The following F2RL1 variants were observed in gnomAD, a reference collection of about 807,000 sequenced individuals.
The protein encoded by F2RL1 is F2R like trypsin receptor 1.
A neutral mutation model predicts 21.7 loss-of-function variants in F2RL1; 16 were observed. The ratio of observed to expected loss-of-function variants is 0.74; its 90% CI spans 0.50 to 1.12. F2RL1 has a LOEUF of 1.12. Ranked by LOEUF, F2RL1 falls within the 50% of genes most tolerant of loss-of-function variation. The pLI, the probability that F2RL1 is intolerant of heterozygous loss-of-function variation, is 0.00. For synonymous variants in F2RL1, 181 were observed against 186.7 expected (o/e 0.97, Z 0.25); for missense variants, 432 against 477.8 (o/e 0.90, Z 0.89).
At position 76,827,208 on chromosome 5, in the gene F2RL1, G is replaced by A. The variant is rs531076586; in HGVS notation, c.83-5482G>A. 4.4e-3 allele frequency among the ~76,000 whole-genome samples: 668 copies of A among 151,408 alleles called. 3 individuals carry two copies. Among genetic ancestry groups the A allele is most frequent in the East Asian group, 0.021 (107 of 5,058 alleles). On this transcript the variant is annotated intron_variant, in intron 1 of 1. Coordinates refer to ENST00000296677, the MANE Select transcript of F2RL1 (RefSeq NM_005242.6). Reference sequence around the variant, plus strand: ...TATTATAATGCTGCTATGGCTGGGCGTGGTGGCTCACGCCTGTAATCCCAG... The same window carrying A: ...TATTATAATGCTGCTATGGCTGGGCATGGTGGCTCACGCCTGTAATCCCAG...
Position 76,833,585 on chromosome 5 carries a change from C to T in F2RL1, c.978C>T (p.Tyr326=). 3 of 1,613,944 alleles carry T rather than the reference C, an allele frequency of 1.9e-6. No individual in the cohort carries two copies. Among genetic ancestry groups the T allele is most frequent in the Non-Finnish European group, 2.5e-6 (3 of 1,180,006 alleles). Residue 326 remains tyrosine (Y), a synonymous_variant, in exon 2 of 2, where the codon TAC becomes TAT. Transcript: ENST00000296677. Reference sequence around the variant, plus strand: ...GCCAGAGCCATGTCTATGCCCTGTACATTGTAGCCCTCTGCCTCTCTACCC... The same window carrying T: ...GCCAGAGCCATGTCTATGCCCTGTATATTGTAGCCCTCTGCCTCTCTACCC... ...SQGQSHVYAL[Y]IVALCLSTLN... is the part of the protein sequence containing the mutation.
intron 1 of F2RL1, among the ~76,000 whole-genome samples, chr5:76,829,111 A>G (rs1370138713): frequency 6.9e-6 from 1 of 144,066 alleles, no homozygotes; most frequent in Non-Finnish European, 1.5e-5. Context: ...GTAAGACTCC[A>G]TCTCAAAAAA....
intron 1 of F2RL1, among the ~76,000 whole-genome samples, chr5:76,821,974 T>C (rs1229645996): frequency 3.6e-4 from 55 of 152,310 alleles, no homozygotes. Context: ...TAAATCACCC[T>C]GAACTTCAGT....
intron 1 of F2RL1, among the ~76,000 whole-genome samples, chr5:76,821,570 T>G (rs1420201682): frequency 1.4e-5 from 2 of 139,568 alleles, no homozygotes; most frequent in Non-Finnish European, 1.5e-5. Flanking sequence ...TTTTTTTTTG[T>G]TTTTTTGGTT....
chr5:76,835,273 T>C lies in F2RL1; in HGVS notation c.*1472T>C, dbSNP rs945478904. ...TGACTTTTAAAAATAATTATTTTATTGTGTAATTGATTTATAAATAACAAA... is the reference window on the plus strand; with the variant it reads ...TGACTTTTAAAAATAATTATTTTATCGTGTAATTGATTTATAAATAACAAA... On this transcript the variant is annotated 3_prime_UTR_variant, in exon 2 of 2. Transcript: ENST00000296677. The C allele has an allele frequency of 1.3e-5, 2 of 152,256 alleles. No individual in the cohort carries two copies. Among genetic ancestry groups the C allele is most frequent in the African/African-American group, 4.8e-5 (2 of 41,472 alleles). The allele number at this position is 152,256 out of a possible 1,614,324, so 9.4% of individuals were successfully genotyped here.
At position 76,832,008 on chromosome 5, in the gene F2RL1, TA is replaced by T. The variant is rs1295112161; in HGVS notation, c.83-668del. Among the ~76,000 whole-genome samples, 1,116 of 132,950 alleles carry T rather than the reference TA, an allele frequency of 8.4e-3. 7 individuals are homozygous for T. The highest frequency in any genetic ancestry group is 0.023 in the African/African-American group (784 of 33,946). The allele number at this position is 132,950 out of a possible 152,430, so 87.2% of individuals were successfully genotyped here. A position where few individuals can be genotyped will look rare whatever the true frequency, so the allele number is the denominator to read the frequency against. ...AGTCAACATAGCAAGACCCCATCTC[TA>T]AAAAAAAAAAAAATAATAAGTAAAA... On this transcript the variant is annotated intron_variant, in intron 1 of 1. Coordinates refer to ENST00000296677, the MANE Select transcript of F2RL1 (RefSeq NM_005242.6).
At chr5:76,820,279 A>G (rs1426654058) in intron 1 of F2RL1, among the ~76,000 whole-genome samples, 2 of 152,284 alleles carry the variant, frequency 1.3e-5, no homozygotes, top group Non-Finnish European at 2.9e-5. Context: ...TGTGATCCTA[A>G]CCGAGGCCCC....
chr5:76,829,703 A>G (rs1750317002), intron 1 of F2RL1, among the ~76,000 whole-genome samples: 1 of 152,190 alleles, frequency 6.6e-6, no homozygotes, highest in Non-Finnish European at 1.5e-5. Flanking sequence ...AAGAATAATA[A>G]CTGGCTTTTT....
intron 1 of F2RL1, among the ~76,000 whole-genome samples, chr5:76,825,368 A>G (rs113112341): frequency 1.3e-5 from 2 of 152,166 alleles, no homozygotes; most frequent in African/African-American, 4.8e-5. Context: ...ATTGGCTACT[A>G]TATTGTCTAC....
intron 1 of F2RL1, among the ~76,000 whole-genome samples, chr5:76,829,263 CTTTT>C (rs57404989): frequency 4.3e-5 from 2 of 46,066 alleles, no homozygotes; most frequent in African/African-American, 9.2e-5. Flanking sequence ...TCTTCTTCTT[CTTTT>C]TTTTTTTTTT....
chr5:76,833,901 A>G lies in F2RL1; in HGVS notation c.*100A>G. ...ATTTCCTAATCAAAAAGGTCTCACCACATACCATGTGGATGCAGCACCTCT... is the reference window on the plus strand; with the variant it reads ...ATTTCCTAATCAAAAAGGTCTCACCGCATACCATGTGGATGCAGCACCTCT... On this transcript the variant is annotated 3_prime_UTR_variant, in exon 2 of 2. Coordinates refer to ENST00000296677, the MANE Select transcript of F2RL1 (RefSeq NM_005242.6). 7.6e-7 allele frequency: 1 copy of G among 1,314,144 alleles called. No individual in the cohort carries two copies. The highest frequency in any genetic ancestry group is 1.0e-6 in the Non-Finnish European group (1 of 955,566). 81.4% of individuals were successfully genotyped at this position (1,314,144 alleles called of 1,614,324 possible). A position where few individuals can be genotyped will look rare whatever the true frequency, so the allele number is the denominator to read the frequency against.
intron 1 of F2RL1, among the ~76,000 whole-genome samples, chr5:76,829,162 A>G (rs1750301135): frequency 6.6e-6 from 1 of 151,670 alleles, no homozygotes; most frequent in African/African-American, 2.4e-5. Flanking sequence ...ATCAGGATTG[A>G]AACAAGGTAC....
At position 76,834,253 on chromosome 5, in the gene F2RL1, C is replaced by T. The variant is rs1750417009; in HGVS notation, c.*452C>T. 1 of 153,006 alleles carries T rather than the reference C, an allele frequency of 6.5e-6. No individual in the cohort carries two copies. The highest frequency in any genetic ancestry group is 2.4e-5 in the African/African-American group (1 of 41,464). The allele number at this position is 153,006 out of a possible 1,614,324, so 9.5% of individuals were successfully genotyped here. On this transcript the variant is annotated 3_prime_UTR_variant, in exon 2 of 2. Coordinates refer to ENST00000296677, the MANE Select transcript of F2RL1 (RefSeq NM_005242.6). ...AAATGAGGAAACCAAGATAAATGAG[C>T]TGCCAGAATCAGGTTTCCAATCAAC...
At chr5:76,832,543 C>A in intron 1 of F2RL1, 147 bp from the exon 2 acceptor site, 2 of 812,206 alleles carry the variant, frequency 2.5e-6, no homozygotes, top group South Asian at 1.9e-5. Flanking sequence ...ATTATGATCG[C>A]TCCACTACGC....
At chr5:76,828,943 C>G (rs528296634) in intron 1 of F2RL1, among the ~76,000 whole-genome samples, 1 of 151,916 alleles carries the variant, frequency 6.6e-6, no homozygotes, top group African/African-American at 2.4e-5. Context: ...TGGTGAAACC[C>G]CATCTCTACT....
Position 76,827,600 on chromosome 5 carries a change from CT to C in F2RL1, c.83-5068del, listed in dbSNP as rs70982643. 4.0e-3 allele frequency among the ~76,000 whole-genome samples: 423 copies of C among 104,970 alleles called. 2 individuals carry two copies. The highest frequency in any genetic ancestry group is 4.7e-3 in the Non-Finnish European group (254 of 54,570). The allele number at this position is 104,970 out of a possible 152,430, so 68.9% of individuals were successfully genotyped here. ...GTGGAGCTACTGGGTCATATAGTAA[CT>C]TTTTTTTTTTTTTTTTTTTTTGAGA... On this transcript the variant is annotated intron_variant, in intron 1 of 1. Transcript: ENST00000296677.
At chr5:76,827,430 C>T (rs1303142203) in intron 1 of F2RL1, among the ~76,000 whole-genome samples, 4 of 148,194 alleles carry the variant, frequency 2.7e-5, no homozygotes, top group Non-Finnish European at 3.0e-5. Flanking sequence ...ACCCGGGAGG[C>T]GGAGCTTGCG....
chr5:76,819,396 A>T, intron 1 of F2RL1, 132 bp downstream of exon 1: 1 of 756,672 alleles, frequency 1.3e-6, no homozygotes, highest in Non-Finnish European at 2.0e-6. Flanking sequence ...CGAATCCCTT[A>T]GCCTCCCCTT....
At chr5:76,823,103 G>T (rs925076216) in intron 1 of F2RL1, among the ~76,000 whole-genome samples, 2 of 151,860 alleles carry the variant, frequency 1.3e-5, no homozygotes, top group Admixed American at 1.3e-4. Context: ...GGTGGCGGGC[G>T]CCTGTAGTCC....
Sources: gnomAD v4.1 joint callset for allele counts (sites outside exome capture counted in the v4.1 genomes callset) on GRCh38, gnomAD v4.1.1 for gene constraint, MANE v1.5 for transcripts, NCBI Gene and HGNC (gene_info 2026-07-23, HGNC 2026-07-21) for gene names.